NKAIN2: variants seen among roughly 807,000 people sequenced by gnomAD.
NKAIN2 encodes sodium/potassium-transporting ATPase subunit beta-1-interacting protein 2.
In NKAIN2, 14 loss-of-function variants were observed where a neutral mutation model predicts 32.6. The ratio of observed to expected loss-of-function variants is 0.43; its 90% CI spans 0.28 to 0.67. The LOEUF (loss-of-function observed/expected upper bound fraction) is 0.67, where lower values mean the gene tolerates loss of function less well. Among genes scored for constraint, NKAIN2 ranks in the 30% least tolerant of loss-of-function variants. The pLI, the probability that NKAIN2 is intolerant of heterozygous loss-of-function variation, is 0.17. For missense variants in NKAIN2, 198 were observed against 258.3 expected (o/e 0.77, Z 1.60); for synonymous variants, 80 against 87.2 (o/e 0.92, Z 0.46).
intron 4 of NKAIN2, among the ~76,000 whole-genome samples, chr6:124,703,286 C>CA (rs1018465753): frequency 9.3e-5 from 14 of 151,124 alleles, no homozygotes; most frequent in Non-Finnish European, 1.2e-4. Context: ...AAAAAAACAA[C>CA]AAAAAAACAA....
chr6:124,573,099 C>G (rs1159614064), intron 3 of NKAIN2, among the ~76,000 whole-genome samples: 1 of 152,168 alleles, frequency 6.6e-6, no homozygotes, highest in Non-Finnish European at 1.5e-5. Context: ...CCCGGCCTCC[C>G]AAAGTGCTGG....
intron 1 of NKAIN2, among the ~76,000 whole-genome samples, chr6:123,924,684 A>G (rs916868102): frequency 2.0e-5 from 3 of 152,114 alleles, no homozygotes; most frequent in African/African-American, 7.2e-5. Context: ...TTCTTCATCT[A>G]TGTAACGAGT....
intron 1 of NKAIN2, among the ~76,000 whole-genome samples, chr6:124,139,587 T>C (rs1787035005): frequency 6.6e-6 from 1 of 152,188 alleles, no homozygotes; most frequent in African/African-American, 2.4e-5. Flanking sequence ...CTTAAACTAG[T>C]ACACATATTT....
chr6:124,283,134 A>C lies in NKAIN2; in HGVS notation c.184A>C (p.Ile62Leu). Residue 62 changes from isoleucine (I) to leucine (L), a missense_variant, in exon 2 of 7, where the codon ATA becomes CTA. Ile to Leu is a conservative substitution (Grantham distance 5). Coordinates refer to ENST00000368417, the MANE Select transcript of NKAIN2 (RefSeq NM_001040214.3). ...AACTATTCAATATAGACCTCGTTAC[A>C]TAACAGGAGTAAGTACATTTTCTGC... ...FGTIQYRPRY[I>L]TGYAVWLVLW... is the part of the protein sequence containing the mutation. 6.2e-7 allele frequency: 1 copy of C among 1,604,080 alleles called. No homozygotes were observed.
At chr6:124,805,604 C>T (rs578186976) in intron 5 of NKAIN2, among the ~76,000 whole-genome samples, 2 of 152,286 alleles carry the variant, frequency 1.3e-5, no homozygotes, top group South Asian at 2.1e-4. Context: ...TCCAAAGGAT[C>T]GCAGTTCCTC....
At chr6:124,709,776 A>G (rs1775334846) in intron 4 of NKAIN2, among the ~76,000 whole-genome samples, 1 of 151,602 alleles carries the variant, frequency 6.6e-6, no homozygotes. Flanking sequence ...CCTTTCAAAA[A>G]ACCAGCTCCT....
At chr6:124,119,945 GTT>G (rs1239681991) in intron 1 of NKAIN2, among the ~76,000 whole-genome samples, 1 of 151,780 alleles carries the variant, frequency 6.6e-6, no homozygotes, top group Non-Finnish European at 1.5e-5. Flanking sequence ...GGCCTGCTTT[GTT>G]TTTTTTCTAT....
intron 1 of NKAIN2, among the ~76,000 whole-genome samples, chr6:123,908,120 GA>G (rs1486422024): frequency 1.3e-5 from 2 of 152,250 alleles, no homozygotes; most frequent in East Asian, 3.9e-4. Context: ...CTATGTCCAA[GA>G]ACAGGTAATT....
At chr6:123,824,355 C>T (rs1412195138) in intron 1 of NKAIN2, among the ~76,000 whole-genome samples, 2 of 151,994 alleles carry the variant, frequency 1.3e-5, no homozygotes, top group Non-Finnish European at 2.9e-5. Context: ...GGCAGCAAGC[C>T]ATTTGAGAGG....
chr6:124,418,343 T>C (rs1017877387), intron 3 of NKAIN2, among the ~76,000 whole-genome samples: 5 of 151,982 alleles, frequency 3.3e-5, no homozygotes, highest in African/African-American at 9.7e-5. Context: ...TATTTTGTTG[T>C]ATGACATAGG....
chr6:123,824,844 C>A (rs147308747), intron 1 of NKAIN2, among the ~76,000 whole-genome samples: 1 of 152,040 alleles, frequency 6.6e-6, no homozygotes. Context: ...ACCAGGCAAC[C>A]TTTTTGCTTT....
chr6:124,387,894 G>A (rs757827054), intron 3 of NKAIN2, among the ~76,000 whole-genome samples: 5 of 152,064 alleles, frequency 3.3e-5, no homozygotes, highest in African/African-American at 4.8e-5. Context: ...AATGGAAACA[G>A]CACTGTTCTA....
intron 3 of NKAIN2, among the ~76,000 whole-genome samples, chr6:124,451,116 G>A (rs1488310884): frequency 6.6e-6 from 1 of 152,046 alleles, no homozygotes; most frequent in East Asian, 1.9e-4. Context: ...ATTATTCTAG[G>A]TCCCTCCACC....
chr6:124,095,206 TG>T (rs1363073374), intron 1 of NKAIN2, among the ~76,000 whole-genome samples: 1 of 152,156 alleles, frequency 6.6e-6, no homozygotes. Context: ...CTTAGCTAGA[TG>T]ATTTTAGGCT....
chr6:124,535,075 G>T (rs575593937), intron 3 of NKAIN2, among the ~76,000 whole-genome samples: 1 of 152,026 alleles, frequency 6.6e-6, no homozygotes, highest in Admixed American at 6.5e-5. Context: ...TGGAATAATG[G>T]CAAGAAAAAG....
chr6:124,737,722 C>G (rs1308230625), intron 4 of NKAIN2, among the ~76,000 whole-genome samples: 5 of 151,852 alleles, frequency 3.3e-5, no homozygotes, highest in Admixed American at 3.3e-4. Flanking sequence ...TGGCTTTGAC[C>G]AAAATGCTGA....
At chr6:124,804,908 G>A (rs1318549045) in intron 5 of NKAIN2, among the ~76,000 whole-genome samples, 1 of 152,216 alleles carries the variant, frequency 6.6e-6, no homozygotes, top group Non-Finnish European at 1.5e-5. Flanking sequence ...AGCAGTCTGA[G>A]ATCAAACTGC....
chr6:124,524,191 T>C (rs1176351339), intron 3 of NKAIN2, among the ~76,000 whole-genome samples: 1 of 152,058 alleles, frequency 6.6e-6, no homozygotes, highest in African/African-American at 2.4e-5. Flanking sequence ...AAAAAATAAA[T>C]TTGAAATTAT....
At chr6:124,196,862 G>C (rs943776447) in intron 1 of NKAIN2, among the ~76,000 whole-genome samples, 2 of 151,750 alleles carry the variant, frequency 1.3e-5, no homozygotes, top group Non-Finnish European at 2.9e-5. Flanking sequence ...TTCAAACTGA[G>C]CTAAAATTTG....
Sources: gnomAD v4.1 joint callset for allele counts (sites outside exome capture counted in the v4.1 genomes callset) on GRCh38, gnomAD v4.1.1 for gene constraint, MANE v1.5 for transcripts, NCBI Gene and HGNC (gene_info 2026-07-23, HGNC 2026-07-21) for gene names.